Variants in DNAH3 observed in about 807,000 individuals in gnomAD.
DNAH3 encodes the protein dynein axonemal heavy chain 3.
Under a neutral mutation model 432.5 loss-of-function variants are expected in DNAH3, and 332 were observed. That is an observed-to-expected ratio of 0.77 (90% CI 0.70 to 0.84). The LOEUF (loss-of-function observed/expected upper bound fraction) is 0.84, where lower values mean the gene tolerates loss of function less well. DNAH3 is among the 40% of genes least tolerant of loss of function. The pLI is 0.00. For synonymous variants in DNAH3, 1,956 were observed against 1,900.2 expected, an observed-to-expected ratio of 1.03 and a Z score of -0.76; for missense variants, 4,861 against 5,114.0, an observed-to-expected ratio of 0.95 and a Z score of 1.51.
At position 21,062,609 on chromosome 16, in the gene DNAH3, T is replaced by C; in HGVS notation, c.3593A>G (p.His1198Arg). The C allele has an allele frequency of 6.2e-7, 1 of 1,614,162 alleles. No individual in the cohort carries two copies. The highest frequency in any genetic ancestry group is 8.5e-7 in the Non-Finnish European group (1 of 1,180,016). ...AATTCCTTCAAAGCACTTCTTCAAG[T>C]GCGGCTGCACTCGGAGAGGGTCCTT... The change falls in exon 25 of 62, where the codon CAC becomes CGC. Residue 1198 changes from histidine to arginine, a missense_variant. By Grantham distance (29) the His-to-Arg change is conservative. Coordinates refer to ENST00000261383, the Ensembl canonical transcript of DNAH3.
chr16:20,960,181 C>T (rs996622085), intron 53 of DNAH3, among the ~76,000 whole-genome samples: 1 of 152,022 alleles, frequency 6.6e-6, no homozygotes, highest in Admixed American at 6.5e-5. Context: ...TAGGTCTCTT[C>T]CACACTAGTA....
chr16:21,102,546 G>T (rs922874247), intron 16 of DNAH3, among the ~76,000 whole-genome samples: 5 of 152,130 alleles, frequency 3.3e-5, no homozygotes, highest in African/African-American at 1.2e-4. Context: ...TCAGCACCAT[G>T]AGAGAGGGTC....
intron 56 of DNAH3, 97 bp downstream of exon 56, chr16:20,952,336 G>C: frequency 2.7e-6 from 2 of 751,054 alleles, no homozygotes; most frequent in Non-Finnish European, 4.9e-6. Context: ...GTGAGGGAGG[G>C]AGGGAGTACA....
exon 53 of DNAH3, chr16:20,964,474 G>A (rs1303951914): frequency 1.9e-6 from 3 of 1,614,078 alleles, no homozygotes; most frequent in Non-Finnish European, 2.5e-6. Context: ...AGGTTCGATA[G>A]AAGCATCCAG....
rs139455188 is a variant in DNAH3, at chr16:21,125,284, C to T, written c.1295G>A (p.Arg432Gln). ...AGAAGCAAAATATTCCTCAATGTTT[C>T]GACTTGAGTCATAGTTGCTCTTGGG... Residue 432 changes from arginine (R) to glutamine (Q), a missense_variant, in exon 9 of 62, where the codon CGA (arginine) becomes CAA (glutamine). Arg to Gln is a conservative substitution (Grantham distance 43). Transcript: ENST00000261383. 5.8e-4 allele frequency: 938 copies of T among 1,613,702 alleles called. 10 individuals are homozygous for T. In the South Asian group the frequency reaches 8.8e-3, roughly 15 times the overall value.
Position 21,106,804 on chromosome 16 carries a change from T to A in DNAH3, c.2100-130A>T, listed in dbSNP as rs747197469. ...TTGAAAAAAAAAGAAAATTTTTTTTTAATTTTTTCCCTGCCTGCAAATCCT... is the reference window on the plus strand; with the variant it reads ...TTGAAAAAAAAAGAAAATTTTTTTTAAATTTTTTCCCTGCCTGCAAATCCT... On this transcript the variant is annotated intron_variant, in intron 14 of 61. Transcript: ENST00000261383. 3.9e-4 allele frequency: 308 copies of A among 788,852 alleles called. 2 individuals carry two copies. The highest frequency in any genetic ancestry group is 5.0e-4 in the Non-Finnish European group (277 of 549,876). 48.9% of individuals were successfully genotyped at this position (788,852 alleles called of 1,614,324 possible). A position where few individuals can be genotyped will look rare whatever the true frequency, so the allele number is the denominator to read the frequency against.
intron 50 of DNAH3, among the ~76,000 whole-genome samples, chr16:20,977,214 T>G (rs1426439259): frequency 6.6e-6 from 1 of 151,958 alleles, no homozygotes; most frequent in African/African-American, 2.4e-5. Context: ...CTGTCCCTAC[T>G]AAAAACGCAA....
At chr16:20,964,077 T>C (rs1244142975) in exon 53 of DNAH3, 1 of 1,614,220 alleles carries the variant, frequency 6.2e-7, no homozygotes, top group Non-Finnish European at 8.5e-7. Flanking sequence ...TCTCTTCAGA[T>C]AGCACTTTGG....
chr16:21,106,491 C>T (rs775211490), exon 15 of DNAH3: 21 of 1,589,310 alleles, frequency 1.3e-5, no homozygotes, highest in Admixed American at 3.4e-5. Flanking sequence ...TGGACTTACA[C>T]GGCAAGTCTG....
intron 61 of DNAH3, among the ~76,000 whole-genome samples, chr16:20,934,851 T>C (rs1018438462): frequency 3.3e-5 from 5 of 152,182 alleles, no homozygotes; most frequent in African/African-American, 1.2e-4. Context: ...ATTTAAGACA[T>C]AGGGCAACCA....
chr16:21,136,250 CAAAAAT>C (rs1450245409), intron 6 of DNAH3, 68 bp downstream of exon 7: 14 of 1,438,720 alleles, frequency 9.7e-6, no homozygotes, highest in Middle Eastern at 4.2e-4. Context: ...CTTGTCTCTA[CAAAAAT>C]AAAAATAAAA....
Position 20,957,808 on chromosome 16 carries a change from C to CA in DNAH3, c.10826+1370dup, listed in dbSNP as rs762197650. On this transcript the variant is annotated intron_variant, in intron 54 of 61. Transcript: ENST00000261383. Reference sequence around the variant, plus strand: ...GGCAATAAGAGCGAAACTCCATCTCCAAAAAAAAAAAAAAAAAAAAAAAAA... The same window carrying CA: ...GGCAATAAGAGCGAAACTCCATCTCCAAAAAAAAAAAAAAAAAAAAAAAAAA... 7.1e-4 allele frequency among the ~76,000 whole-genome samples: 38 copies of CA among 53,280 alleles called. 3 individuals are homozygous for CA. The highest frequency in any genetic ancestry group is 8.3e-4 in the Non-Finnish European group (22 of 26,634). 35.0% of individuals were successfully genotyped at this position (53,280 alleles called of 152,430 possible). A position where few individuals can be genotyped will look rare whatever the true frequency, so the allele number is the denominator to read the frequency against.
intron 41 of DNAH3, among the ~76,000 whole-genome samples, chr16:21,013,411 G>T (rs1472242507): frequency 6.6e-6 from 1 of 151,818 alleles, no homozygotes; most frequent in African/African-American, 2.4e-5. Flanking sequence ...AAGAAAAAAA[G>T]AGAAGACAGC....
At chr16:21,096,804 T>G (rs2091695295) in intron 18 of DNAH3, among the ~76,000 whole-genome samples, 1 of 152,196 alleles carries the variant, frequency 6.6e-6, no homozygotes, top group African/African-American at 2.4e-5. Flanking sequence ...GTAAGAGAAC[T>G]AAGTCTTGGA....
chr16:21,110,803 C>G (rs1195455126), intron 14 of DNAH3, among the ~76,000 whole-genome samples: 1 of 151,958 alleles, frequency 6.6e-6, no homozygotes, highest in East Asian at 1.9e-4. Flanking sequence ...CCTGGGAGGT[C>G]GAGGCTGCCA....
intron 21 of DNAH3, among the ~76,000 whole-genome samples, chr16:21,074,073 G>C (rs576206603): frequency 6.6e-6 from 1 of 152,234 alleles, no homozygotes; most frequent in South Asian, 2.1e-4. Flanking sequence ...TTGTTAATCT[G>C]TCTTTTATTA....
At chr16:21,150,652 T>G (rs567888831) in intron 1 of DNAH3, 99 bp downstream of exon 1, 13 of 184,632 alleles carry the variant, frequency 7.0e-5, no homozygotes, top group Non-Finnish European at 1.4e-4. Flanking sequence ...TTCCCTTGAG[T>G]GCTTCTCTCT....
At position 20,964,252 on chromosome 16, in the gene DNAH3, G is replaced by C. The variant is rs545853424; in HGVS notation, c.9632C>G (p.Ala3211Gly). ...CTCTTCCAGCTCTGGCTTCTCCTTC[G>C]CAGCCACGATGCCAAGGAGTTGATC... is the stretch of plus-strand genomic sequence containing the variant. The change falls in exon 53 of 62, where the codon GCG (alanine) becomes GGG (glycine). Residue 3211 changes from alanine (A) to glycine (G), a missense_variant. Coordinates refer to ENST00000261383, the Ensembl canonical transcript of DNAH3. 6.2e-7 allele frequency: 1 copy of C among 1,613,946 alleles called. No homozygotes were observed. Among genetic ancestry groups the C allele is most frequent in the African/African-American group, 1.3e-5 (1 of 74,866 alleles).
chr16:21,154,146 A>G (rs1190901980), intron 1 of DNAH3, among the ~76,000 whole-genome samples: 1 of 152,240 alleles, frequency 6.6e-6, no homozygotes, highest in Non-Finnish European at 1.5e-5. Context: ...GCCCATGCCT[A>G]TAATCCCAGC....
Sources: gnomAD v4.1 joint callset for allele counts (sites outside exome capture counted in the v4.1 genomes callset) on GRCh38, gnomAD v4.1.1 for gene constraint, MANE v1.5 for transcripts, NCBI Gene and HGNC (gene_info 2026-07-23, HGNC 2026-07-21) for gene names.